CHN1: variants seen among roughly 807,000 people sequenced by gnomAD.
CHN1 encodes the protein N-chimaerin.
Under a neutral mutation model 59.5 loss-of-function variants are expected in CHN1, and 37 were observed. The observed-to-expected ratio is 0.62, with a 90% confidence interval of 0.48 to 0.82. The LOEUF is 0.82. Among genes scored for constraint, CHN1 ranks in the 40% least tolerant of loss-of-function variants. The pLI is 0.00. For synonymous variants in CHN1, 206 were observed against 200.4 expected (o/e 1.03, Z -0.24); for missense variants, 469 against 571.0 (o/e 0.82, Z 1.82).
intron 5 of CHN1, among the ~76,000 whole-genome samples, chr2:174,883,327 G>A (rs893212844): frequency 3.9e-5 from 6 of 152,070 alleles, no homozygotes; most frequent in Non-Finnish European, 5.9e-5. Flanking sequence ...TACAAGCAGA[G>A]GTATCATCTT....
intron 1 of CHN1, among the ~76,000 whole-genome samples, chr2:174,971,970 A>G (rs574240480): frequency 6.6e-6 from 1 of 152,336 alleles, no homozygotes; most frequent in Non-Finnish European, 1.5e-5. Flanking sequence ...ACCTTCTCAG[A>G]GGCAGATGCA....
chr2:174,881,839 C>A (rs900872822), intron 5 of CHN1, among the ~76,000 whole-genome samples: 1 of 152,070 alleles, frequency 6.6e-6, no homozygotes, highest in Non-Finnish European at 1.5e-5. Context: ...GAGTGCAAAT[C>A]GGGTAGGAGG....
At chr2:174,998,108 G>T (rs1427996769) in intron 1 of CHN1, among the ~76,000 whole-genome samples, 2 of 151,630 alleles carry the variant, frequency 1.3e-5, no homozygotes, top group Non-Finnish European at 2.9e-5. Context: ...TTCAAGACCA[G>T]CCTGGCCAAC....
intron 11 of CHN1, among the ~76,000 whole-genome samples, chr2:174,808,576 C>A (rs553715193): frequency 6.6e-6 from 1 of 151,258 alleles, no homozygotes; most frequent in South Asian, 2.1e-4. Flanking sequence ...TGAGCCACTG[C>A]CAGCCTGGTT....
rs138413754 is a variant in CHN1 at position 174,970,307 on chromosome 2, C to T, written c.20-18105G>A. On this transcript the variant is annotated intron_variant, in intron 1 of 12. Coordinates refer to ENST00000409900, the MANE Select transcript of CHN1 (RefSeq NM_001822.7). ...AGCTCCATTTTCATAATAGTCATTT[C>T]ACTTGAAAGAAGGACTCACAAACTA... 4.2e-3 allele frequency among the ~76,000 whole-genome samples: 642 copies of T among 152,294 alleles called. 3 individuals carry two copies. The highest frequency in any genetic ancestry group is 0.02 in the Middle Eastern group (6 of 294).
At chr2:174,851,111 T>C (rs955658922) in intron 6 of CHN1, among the ~76,000 whole-genome samples, 1 of 152,220 alleles carries the variant, frequency 6.6e-6, no homozygotes, top group Admixed American at 6.5e-5. Context: ...GTGTTAAGCA[T>C]ATAGCACCTC....
In CHN1 at chr2:174,800,258, A is replaced by G. The variant is rs1454858446; in HGVS notation, c.1238T>C (p.Met413Thr). ...RVTLHEKENL[M>T]NAENLGIVFG... The stretch of plus-strand genomic sequence containing the variant: ...GACGATTCCAAGGTTCTCTGCATTC[A>G]TAAGATTCTCCTTTTCGTGGAGGGT... Residue 413 changes from methionine to threonine, a missense_variant, in exon 13 of 13, where the codon ATG becomes ACG. Around this residue, in one of 5 missense-constraint regions of CHN1, gnomAD observed 225 missense variants for 289.9 expected, o/e 0.78. Coordinates refer to ENST00000409900, the MANE Select transcript of CHN1 (RefSeq NM_001822.7). 1.4e-6 allele frequency: 2 copies of G among 1,447,428 alleles called. No individual in the cohort carries two copies. The highest frequency in any genetic ancestry group is 1.8e-6 in the Non-Finnish European group (2 of 1,099,228). 89.7% of individuals were successfully genotyped at this position (1,447,428 alleles called of 1,614,324 possible). A position where few individuals can be genotyped will look rare whatever the true frequency, so the allele number is the denominator to read the frequency against.
intron 1 of CHN1, among the ~76,000 whole-genome samples, chr2:174,955,997 G>C (rs1206572478): frequency 1.3e-5 from 2 of 152,142 alleles, no homozygotes; most frequent in Non-Finnish European, 2.9e-5. Flanking sequence ...ATATTCTCAT[G>C]TAACAAATCT....
At chr2:174,966,400 A>T (rs1690592424) in intron 1 of CHN1, among the ~76,000 whole-genome samples, 1 of 152,068 alleles carries the variant, frequency 6.6e-6, no homozygotes, top group Non-Finnish European at 1.5e-5. Flanking sequence ...TTCATCAAAG[A>T]TCACAGAAAA....
chr2:174,905,928 T>C (rs149429413), intron 5 of CHN1, among the ~76,000 whole-genome samples: 83 of 152,300 alleles, frequency 5.4e-4, no homozygotes, highest in African/African-American at 1.8e-3. Flanking sequence ...GAGATAGCAC[T>C]TCACATATAC....
intron 3 of CHN1, among the ~76,000 whole-genome samples, chr2:174,943,886 G>C (rs1045862799): frequency 1.3e-5 from 2 of 152,134 alleles, no homozygotes; most frequent in African/African-American, 4.8e-5. Flanking sequence ...TTGAACTCCT[G>C]GATCAAGCTG....
intron 8 of CHN1, among the ~76,000 whole-genome samples, chr2:174,815,265 T>C (rs1335669065): frequency 6.6e-6 from 1 of 152,104 alleles, no homozygotes; most frequent in Non-Finnish European, 1.5e-5. Context: ...TAGTTCCAGC[T>C]ACTCAGCGGG....
At chr2:174,847,760 T>C (rs1367609787) in intron 6 of CHN1, 1 of 565,320 alleles carries the variant, frequency 1.8e-6, no homozygotes, top group Non-Finnish European at 2.9e-6. Context: ...GTAAGTTTCT[T>C]GCTGGCTCAA....
At chr2:174,975,833 T>C (rs1244313697) in intron 1 of CHN1, among the ~76,000 whole-genome samples, 9 of 151,912 alleles carry the variant, frequency 5.9e-5, no homozygotes, top group Non-Finnish European at 8.8e-5. Context: ...GGGATATATA[T>C]CTTTAAAACA....
At chr2:174,947,818 T>C (rs1689892745) in intron 2 of CHN1, among the ~76,000 whole-genome samples, 1 of 152,048 alleles carries the variant, frequency 6.6e-6, no homozygotes, top group South Asian at 2.1e-4. Context: ...TATAACAAAT[T>C]TGGATTCAAA....
chr2:174,899,215 G>A (rs1391785112), intron 5 of CHN1, among the ~76,000 whole-genome samples: 2 of 152,152 alleles, frequency 1.3e-5, no homozygotes, highest in African/African-American at 4.8e-5. Flanking sequence ...GGGCACTCAG[G>A]AGAAGACAGA....
At chr2:174,910,899 C>CAAAA (rs10568066) in intron 5 of CHN1, among the ~76,000 whole-genome samples, 40 of 76,600 alleles carry the variant, frequency 5.2e-4, no homozygotes, top group African/African-American at 6.9e-4. Flanking sequence ...GACTCCGTCT[C>CAAAA]AAAAAAAAAA....
At chr2:174,973,468 G>A (rs1143986) in intron 1 of CHN1, among the ~76,000 whole-genome samples, 72,271 of 151,972 alleles carry the variant, frequency 0.48, 17,973 homozygotes, top group African/African-American at 0.6. Context: ...GGCCAGGGAA[G>A]CTAATGACTG....
intron 6 of CHN1, among the ~76,000 whole-genome samples, chr2:174,867,378 CAAA>C (rs371650645): frequency 8.5e-6 from 1 of 117,016 alleles, no homozygotes; most frequent in African/African-American, 3.2e-5. Context: ...GACTCTGTCT[CAAA>C]AAAAAAAAAA....
Sources: gnomAD v4.1 joint callset for allele counts (sites outside exome capture counted in the v4.1 genomes callset) on GRCh38, gnomAD v4.1.1 for gene constraint, gnomAD v4.1.1 regional missense constraint, MANE v1.5 for transcripts, NCBI Gene and HGNC (gene_info 2026-07-23, HGNC 2026-07-21) for gene names.